IQGAP2: variants seen among roughly 807,000 people sequenced by gnomAD.
IQGAP2 encodes the protein ras GTPase-activating-like protein IQGAP2.
Under a neutral mutation model 201.3 loss-of-function variants are expected in IQGAP2, and 173 were observed. That is an observed-to-expected ratio of 0.86 (90% CI 0.76 to 0.98). The LOEUF (loss-of-function observed/expected upper bound fraction) is 0.98. Among genes scored for constraint, IQGAP2 ranks in the 50% least tolerant of loss-of-function variants. The pLI is 0.00. For synonymous variants in IQGAP2, 675 were observed against 673.9 expected, an observed-to-expected ratio of 1.00 and a Z score of -0.03; for missense variants, 1,687 against 1,864.8, an observed-to-expected ratio of 0.90 and a Z score of 1.76.
chr5:76,418,287 G>A (rs1200401612), intron 1 of IQGAP2, among the ~76,000 whole-genome samples: 1 of 150,128 alleles, frequency 6.7e-6, no homozygotes, highest in African/African-American at 2.4e-5. Flanking sequence ...CACTATCTTT[G>A]AGACGTAACT....
chr5:76,485,320 A>G (rs1756053769), intron 2 of IQGAP2, among the ~76,000 whole-genome samples: 2 of 152,218 alleles, frequency 1.3e-5, no homozygotes, highest in Admixed American at 1.3e-4. Flanking sequence ...ACTAAACAAC[A>G]TATTCACATA....
rs77432821 is a variant in IQGAP2 at position 76,651,644 on chromosome 5, A to G, written c.2095-1106A>G. Among the ~76,000 whole-genome samples, 1,183 of 152,220 alleles carry G rather than the reference A, an allele frequency of 7.8e-3. 8 individuals are homozygous for G. Among genetic ancestry groups the G allele is most frequent in the South Asian group, 0.027 (132 of 4,826 alleles). ...AAAAGTATATTTGTATGATGTTACC[A>G]TTGGGGGAAGCTGTGTAAAGGGGTA... On this transcript the variant is annotated intron_variant, in intron 17 of 35. Transcript: ENST00000274364.
chr5:76,574,511 C>CT (rs1745336623), intron 4 of IQGAP2, among the ~76,000 whole-genome samples: 3 of 28,842 alleles, frequency 1.0e-4, no homozygotes, highest in African/African-American at 9.0e-4. Context: ...CTCAGGTGAT[C>CT]GCCTGCCTCA....
chr5:76,496,785 CTT>C (rs1269069597), intron 2 of IQGAP2, among the ~76,000 whole-genome samples: 2 of 101,960 alleles, frequency 2.0e-5, no homozygotes, highest in South Asian at 2.9e-4. Context: ...TTCTTTCTTT[CTT>C]TCTTTCTCTT....
rs752542403 is a variant in IQGAP2, at chr5:76,654,211, G to C, written c.2190G>C (p.Trp730Cys). The change falls in exon 19 of 36, where the codon TGG (tryptophan) becomes TGC (cysteine). Residue 730 changes from tryptophan (W) to cysteine (C), a missense_variant. Transcript: ENST00000274364. Reference protein sequence around the residue: ...NTDSIVKIQSWFRMATARKSY... With the variant: ...NTDSIVKIQSCFRMATARKSY... ...TTAAAACCTTTCAGATTCAGTCCTG[G>C]TTCCGAATGGCAACTGCAAGAAAGA... The C allele has an allele frequency of 3.0e-5, 48 of 1,608,170 alleles. No homozygotes were observed. The African/African-American group carries it at 6.0e-4, about 20-fold the overall frequency.
At chr5:76,530,725 A>G (rs1759246057) in intron 2 of IQGAP2, among the ~76,000 whole-genome samples, 1 of 152,190 alleles carries the variant, frequency 6.6e-6, no homozygotes, top group Non-Finnish European at 1.5e-5. Context: ...TTATTTCCAG[A>G]TGTACATCTT....
At chr5:76,442,332 A>G (rs956224485) in intron 1 of IQGAP2, among the ~76,000 whole-genome samples, 1 of 152,194 alleles carries the variant, frequency 6.6e-6, no homozygotes, top group African/African-American at 2.4e-5. Context: ...TAATAGTCTG[A>G]TCTCATTTCC....
At chr5:76,508,122 G>A (rs1757723569) in intron 2 of IQGAP2, among the ~76,000 whole-genome samples, 1 of 151,920 alleles carries the variant, frequency 6.6e-6, no homozygotes, top group East Asian at 1.9e-4. Flanking sequence ...CTTGAGGTCA[G>A]GAGTTCAAGA....
chr5:76,588,864 T>A, intron 5 of IQGAP2, 42 bp from the exon 6 acceptor site: 1 of 1,212,082 alleles, frequency 8.3e-7, no homozygotes, highest in East Asian at 2.4e-5. Flanking sequence ...TTAAGACTTA[T>A]GATGATAAAA....
Position 76,521,480 on chromosome 5 carries a change from A to G in IQGAP2, c.147-40916A>G, listed in dbSNP as rs528505866. Among the ~76,000 whole-genome samples the G allele has an allele frequency of 2.0e-5, 3 of 152,390 alleles. No individual in the cohort carries two copies. In the South Asian group the frequency reaches 6.2e-4, roughly 32 times the overall value. ...TGTCCACTTAAACAATAGAAAACTG[A>G]GTCATAAATTCTGTCTTTATAAAAC... On this transcript the variant is annotated intron_variant, in intron 2 of 35. Transcript: ENST00000274364.
chr5:76,505,341 A>T (rs1260059940), intron 2 of IQGAP2, among the ~76,000 whole-genome samples: 1 of 152,182 alleles, frequency 6.6e-6, no homozygotes. Flanking sequence ...TCAACTGGGG[A>T]GTCAACCCAG....
At chr5:76,405,784 G>A (rs1360325997) in intron 1 of IQGAP2, among the ~76,000 whole-genome samples, 1 of 152,160 alleles carries the variant, frequency 6.6e-6, no homozygotes, top group Non-Finnish European at 1.5e-5. Flanking sequence ...GAAGGCTAGG[G>A]AAGGATAACA....
intron 22 of IQGAP2, among the ~76,000 whole-genome samples, chr5:76,667,870 C>G (rs1225759105): frequency 7.9e-6 from 1 of 126,026 alleles, no homozygotes; most frequent in Non-Finnish European, 1.6e-5. Flanking sequence ...GGCCCTTAGT[C>G]CACTTTCTTT....
chr5:76,646,783 C>G (rs977354919), intron 17 of IQGAP2, among the ~76,000 whole-genome samples: 2 of 152,030 alleles, frequency 1.3e-5, no homozygotes, highest in African/African-American at 4.8e-5. Flanking sequence ...AATCTTTTTC[C>G]ATTTATTAAT....
chr5:76,484,301 G>A lies in IQGAP2; in HGVS notation c.146+22632G>A, dbSNP rs1755977522. 3.3e-5 allele frequency among the ~76,000 whole-genome samples: 5 copies of A among 152,172 alleles called. No homozygotes were observed. The South Asian group carries it at 6.2e-4, about 19-fold the overall frequency. On this transcript the variant is annotated intron_variant, in intron 2 of 35. Transcript: ENST00000274364. ...GTCAACACCTTCTCAGGGTTACAAG[G>A]AATAACCTAGTCCAGCTGCCATTGC...
rs548938417 is a variant in IQGAP2 at position 76,429,037 on chromosome 5, C to A, written c.46+25446C>A. ...GAGGTTTCAGTGAGCCAAGATTGTG[C>A]CATTGTACTAGAGCCCGAGTGACAG... On this transcript the variant is annotated intron_variant, in intron 1 of 35. Transcript: ENST00000274364. Among the ~76,000 whole-genome samples, 510 of 147,476 alleles carry A rather than the reference C, an allele frequency of 3.5e-3. 1 individual carries two copies. The highest frequency in any genetic ancestry group is 0.012 in the African/African-American group (490 of 40,268).
In IQGAP2 at chr5:76,693,568, C is replaced by T. The variant is rs1044040771; in HGVS notation, c.3993+126C>T. The T allele has an allele frequency of 9.2e-6, 6 of 653,162 alleles. No individual in the cohort carries two copies. The South Asian group carries it at 1.2e-4, about 13-fold the overall frequency. 40.5% of individuals were successfully genotyped at this position (653,162 alleles called of 1,614,324 possible). A position where few individuals can be genotyped will look rare whatever the true frequency, so the allele number is the denominator to read the frequency against. ...ATGGTCCGGAAGTAAGGAATTTTAT[C>T]TATTACTGCAGTGGACTTAGTTCAG... On this transcript the variant is annotated intron_variant, in intron 31 of 35. Coordinates refer to ENST00000274364, the MANE Select transcript of IQGAP2 (RefSeq NM_006633.5).
At chr5:76,435,643 G>A (rs1752611223) in intron 1 of IQGAP2, among the ~76,000 whole-genome samples, 1 of 152,040 alleles carries the variant, frequency 6.6e-6, no homozygotes, top group Non-Finnish European at 1.5e-5. Context: ...TGTTCTTTTT[G>A]CTTAGGATTG....
chr5:76,460,980 C>T (rs532621298), intron 1 of IQGAP2, among the ~76,000 whole-genome samples: 16 of 150,736 alleles, frequency 1.1e-4, no homozygotes, highest in African/African-American at 3.9e-4. Context: ...AGTGATTCTC[C>T]TGATTCTCTT....
Sources: gnomAD v4.1 joint callset for allele counts (sites outside exome capture counted in the v4.1 genomes callset) on GRCh38, gnomAD v4.1.1 for gene constraint, MANE v1.5 for transcripts, NCBI Gene and HGNC (gene_info 2026-07-23, HGNC 2026-07-21) for gene names.